GPHN: variants seen among roughly 807,000 people sequenced by gnomAD.
GPHN encodes gephyrin.
A neutral mutation model predicts 95.5 loss-of-function variants in GPHN; 17 were observed. The observed-to-expected ratio is 0.18, with a 90% confidence interval of 0.12 to 0.27. The LOEUF (loss-of-function observed/expected upper bound fraction) is 0.27, where lower values mean the gene tolerates loss of function less well. GPHN is among the 10% of genes least tolerant of loss of function. The pLI is 1.00. For missense variants in GPHN, 660 were observed against 978.1 expected (o/e 0.67, Z 4.34); for synonymous variants, 320 against 322.5 (o/e 0.99, Z 0.08).
At chr14:66,786,192 A>G (rs2059768225) in intron 3 of GPHN, among the ~76,000 whole-genome samples, 1 of 152,144 alleles carries the variant, frequency 6.6e-6, no homozygotes, top group Non-Finnish European at 1.5e-5. Flanking sequence ...AATGTCATGA[A>G]TAAAACAAGG....
chr14:67,422,868 G>A, the GPHN span, among the ~76,000 whole-genome samples: 22 of 99,550 alleles, frequency 2.2e-4, no homozygotes, highest in Non-Finnish European at 3.8e-4. Context: ...TTTTGCTCTT[G>A]TTGCCCAGGC....
At chr14:67,242,196 A>G in the GPHN span, among the ~76,000 whole-genome samples, 1 of 152,228 alleles carries the variant, frequency 6.6e-6, no homozygotes, top group Non-Finnish European at 1.5e-5. Flanking sequence ...TAATGATCAT[A>G]ACTCACCTTC....
At chr14:66,607,404 G>GT (rs1040264809) in intron 1 of GPHN, among the ~76,000 whole-genome samples, 17 of 149,448 alleles carry the variant, frequency 1.1e-4, no homozygotes, top group Admixed American at 2.7e-4. Flanking sequence ...GTTTTTTTTT[G>GT]TTTTTTTAGG....
At chr14:66,933,161 C>G (rs764670346) in intron 8 of GPHN, among the ~76,000 whole-genome samples, 1 of 152,134 alleles carries the variant, frequency 6.6e-6, no homozygotes, top group Non-Finnish European at 1.5e-5. Flanking sequence ...AACAACATAT[C>G]AAAGAGTATA....
the GPHN span, among the ~76,000 whole-genome samples, chr14:67,409,795 TAA>T: frequency 7.2e-5 from 11 of 152,310 alleles, no homozygotes; most frequent in Non-Finnish European, 1.2e-4. Context: ...TTAACTCTCC[TAA>T]GACTATGGAA....
At chr14:66,898,859 C>T (rs1046858598) in intron 5 of GPHN, among the ~76,000 whole-genome samples, 3 of 151,910 alleles carry the variant, frequency 2.0e-5, no homozygotes, top group Non-Finnish European at 4.4e-5. Context: ...TCCATGAACA[C>T]ATTATGTCTC....
At chr14:67,501,732 C>T in the GPHN span, among the ~76,000 whole-genome samples, 1 of 152,142 alleles carries the variant, frequency 6.6e-6, no homozygotes, top group African/African-American at 2.4e-5. Context: ...CACCAAAGTC[C>T]CCTATCTAAG....
chr14:67,686,709 C>T, the GPHN span, among the ~76,000 whole-genome samples: 3 of 150,518 alleles, frequency 2.0e-5, no homozygotes, highest in Non-Finnish European at 2.9e-5. Context: ...CATGCTATTT[C>T]AGGCCCCCAA....
At chr14:67,601,314 G>A in the GPHN span, among the ~76,000 whole-genome samples, 3 of 152,188 alleles carry the variant, frequency 2.0e-5, no homozygotes, top group Admixed American at 6.5e-5. Flanking sequence ...ATCAAAAGGC[G>A]AGAAAGGTTG....
chr14:66,604,202 G>A (rs533181571), intron 1 of GPHN, among the ~76,000 whole-genome samples: 20 of 152,054 alleles, frequency 1.3e-4, no homozygotes, highest in Non-Finnish European at 2.5e-4. Context: ...AATATAGGTG[G>A]TAGTATCATG....
chr14:67,278,303 T>G, the GPHN span, among the ~76,000 whole-genome samples: 1 of 152,008 alleles, frequency 6.6e-6, no homozygotes, highest in African/African-American at 2.4e-5. Flanking sequence ...CCCAAAGTGC[T>G]GGGATTACAG....
intron 1 of GPHN, among the ~76,000 whole-genome samples, chr14:66,652,162 A>T (rs1709746394): frequency 6.6e-6 from 1 of 152,150 alleles, no homozygotes; most frequent in African/African-American, 2.4e-5. Flanking sequence ...TCATTAACTC[A>T]TGCAACAAAT....
At chr14:66,700,503 T>C (rs1291204874) in intron 2 of GPHN, among the ~76,000 whole-genome samples, 2 of 152,236 alleles carry the variant, frequency 1.3e-5, no homozygotes, top group Non-Finnish European at 2.9e-5. Context: ...TGTATTTTTT[T>C]ACTTAGTAAA....
At chr14:66,599,187 T>A (rs1338849974) in intron 1 of GPHN, among the ~76,000 whole-genome samples, 1 of 152,086 alleles carries the variant, frequency 6.6e-6, no homozygotes, top group South Asian at 2.1e-4. Context: ...TACTACTGTT[T>A]TATTGTTTTT....
chr14:67,459,964 G>A, the GPHN span, among the ~76,000 whole-genome samples: 1 of 152,200 alleles, frequency 6.6e-6, no homozygotes, highest in Non-Finnish European at 1.5e-5. Flanking sequence ...GGATAGCTAA[G>A]CTAACTGGGT....
intron 4 of GPHN, among the ~76,000 whole-genome samples, chr14:66,874,829 A>G (rs1341012129): frequency 6.6e-6 from 1 of 152,160 alleles, no homozygotes; most frequent in African/African-American, 2.4e-5. Flanking sequence ...GTTGGAAAAC[A>G]CTCTTCAGGG....
At chr14:67,255,627 G>T in the GPHN span, among the ~76,000 whole-genome samples, 1 of 152,112 alleles carries the variant, frequency 6.6e-6, no homozygotes, top group Non-Finnish European at 1.5e-5. Context: ...ATAACACTTC[G>T]ATTACTTTTC....
the GPHN span, among the ~76,000 whole-genome samples, chr14:67,264,014 C>T: frequency 1.3e-5 from 2 of 152,168 alleles, no homozygotes; most frequent in African/African-American, 2.4e-5. Flanking sequence ...CCTCCCACCT[C>T]AGGCTCCCAT....
At position 66,594,617 on chromosome 14, in the gene GPHN, CAGA is replaced by C. The variant is rs368747729; in HGVS notation, c.64+86031_64+86033del. Among the ~76,000 whole-genome samples the C allele has an allele frequency of 3.6e-3, 554 of 152,236 alleles. 12 individuals carry two copies. Among genetic ancestry groups the C allele is most frequent in the African/African-American group, 0.013 (528 of 41,534 alleles). On this transcript the variant is annotated intron_variant, in intron 1 of 22. Coordinates refer to ENST00000478722, the MANE Select transcript of GPHN (RefSeq NM_020806.5). ...CGTAGGGAAACTGGGTGTTCACTTG[CAGA>C]AGAATAATATTAGACTCCCATCTCA...
Sources: gnomAD v4.1 joint callset for allele counts (sites outside exome capture counted in the v4.1 genomes callset) on GRCh38, gnomAD v4.1.1 for gene constraint, MANE v1.5 for transcripts, NCBI Gene and HGNC (gene_info 2026-07-23, HGNC 2026-07-21) for gene names.